Variants in ZNF346 observed in about 807,000 individuals in gnomAD.
The protein encoded by ZNF346 is double-stranded RNA-binding zinc finger protein JAZ.
A neutral mutation model predicts 33.7 loss-of-function variants in ZNF346; 23 were observed. The observed-to-expected ratio is 0.68, with a 90% CI of 0.49 to 0.97. The LOEUF is 0.97. ZNF346 is among the 50% of genes least tolerant of loss of function. The pLI is 0.00. For missense variants in ZNF346, 340 were observed against 371.1 expected (o/e 0.92, Z 0.69); for synonymous variants, 134 against 142.4 (o/e 0.94, Z 0.42).
At chr5:177,046,227 G>A (rs1022854257) in intron 4 of ZNF346, among the ~76,000 whole-genome samples, 1 of 151,706 alleles carries the variant, frequency 6.6e-6, no homozygotes, top group Non-Finnish European at 1.5e-5. Context: ...CTTGAACCCG[G>A]GAGCTGGAGG....
At chr5:177,048,715 TTTG>T (rs937307770) in intron 4 of ZNF346, among the ~76,000 whole-genome samples, 17 of 152,258 alleles carry the variant, frequency 1.1e-4, no homozygotes, top group South Asian at 4.1e-4. Flanking sequence ...CACCTATGCG[TTTG>T]TTGTTGTTCT....
In ZNF346 at chr5:177,067,235, C is replaced by T. The variant is rs1783254241; in HGVS notation, c.*2636C>T. 6.6e-6 allele frequency among the ~76,000 whole-genome samples: 1 copy of T among 152,018 alleles called. No homozygotes were observed. Among genetic ancestry groups the T allele is most frequent in the Non-Finnish European group, 1.5e-5 (1 of 68,030 alleles). ...TCCAGCCTGGACAACAGAGCAAGAC[C>T]CTGTCTCTAAAAATAATAATTTTTA... On this transcript the variant is annotated 3_prime_UTR_variant, in exon 7 of 7. Transcript: ENST00000358149.
chr5:177,035,959 GT>G (rs201601086), intron 1 of ZNF346, among the ~76,000 whole-genome samples: 43 of 145,254 alleles, frequency 3.0e-4, no homozygotes, highest in South Asian at 8.9e-4. Context: ...TTTTATCCAA[GT>G]TTTTTTTTTT....
At chr5:177,053,317 CAAAAAAAAA>C (rs754883910) in intron 5 of ZNF346, among the ~76,000 whole-genome samples, 2 of 87,370 alleles carry the variant, frequency 2.3e-5, no homozygotes, top group Admixed American at 1.5e-4. Context: ...GACTTCATCT[CAAAAAAAAA>C]AAAAAAAAAA....
downstream of ZNF346, among the ~76,000 whole-genome samples, chr5:177,071,699 AAG>A (rs1183664467): frequency 2.2e-4 from 7 of 31,192 alleles, no homozygotes; most frequent in African/African-American, 3.3e-3. Flanking sequence ...AAAAAAAAAG[AAG>A]AAGAAGAAGA....
At chr5:177,070,978 A>C (rs896381210), downstream of ZNF346, among the ~76,000 whole-genome samples, 13 of 152,118 alleles carry the variant, frequency 8.5e-5, 1 homozygote, top group Admixed American at 8.5e-4. Context: ...GTGGAAGCAT[A>C]CTCTTAGCCC....
intron 1 of ZNF346, among the ~76,000 whole-genome samples, chr5:177,038,226 C>G (rs1434742443): frequency 6.6e-6 from 1 of 150,622 alleles, no homozygotes; most frequent in Non-Finnish European, 1.5e-5. Flanking sequence ...ATAGCTAAGA[C>G]TACAGGCATG....
intron 4 of ZNF346, among the ~76,000 whole-genome samples, chr5:177,047,083 C>G (rs1780157575): frequency 6.6e-6 from 1 of 150,546 alleles, no homozygotes. Flanking sequence ...AAGTCTTGCT[C>G]TGTCACCCAG....
chr5:177,061,961 G>A (rs147754527), intron 5 of ZNF346, 97 bp from the exon 6 acceptor site: 11 of 1,063,996 alleles, frequency 1.0e-5, no homozygotes, highest in Admixed American at 1.9e-5. Flanking sequence ...CGCCTCACCT[G>A]TCCGTCCTTA....
intron 4 of ZNF346, among the ~76,000 whole-genome samples, chr5:177,046,204 G>A (rs1780015165): frequency 6.6e-6 from 1 of 151,530 alleles, no homozygotes; most frequent in Non-Finnish European, 1.5e-5. Flanking sequence ...GGGAGACTGA[G>A]GCAAGAGAAT....
chr5:177,045,808 T>G (rs1282055286), intron 4 of ZNF346, among the ~76,000 whole-genome samples: 1 of 151,990 alleles, frequency 6.6e-6, no homozygotes, highest in Non-Finnish European at 1.5e-5. Context: ...ATTACACCTT[T>G]TTATCACACC....
intron 8 of ZNF346, among the ~76,000 whole-genome samples, chr5:177,075,322 G>C (rs1027569789): frequency 5.3e-5 from 8 of 151,940 alleles, no homozygotes; most frequent in Non-Finnish European, 1.2e-4. Flanking sequence ...AAAATGGCTT[G>C]ATCCCAGGAG....
At position 177,065,145 on chromosome 5, in the gene ZNF346, C is replaced by A. The variant is rs750135350; in HGVS notation, c.*546C>A. ...GTCTTAGACCAGATATGGCCAGTTG[C>A]GCAGGTTTCTGCCAACTGTGAAGTA... On this transcript the variant is annotated 3_prime_UTR_variant, in exon 7 of 7. Coordinates refer to ENST00000358149, the MANE Select transcript of ZNF346 (RefSeq NM_012279.4). 6.5e-6 allele frequency: 1 copy of A among 153,196 alleles called. No homozygotes were observed. The highest frequency in any genetic ancestry group is 2.4e-5 in the African/African-American group (1 of 41,430). 9.5% of individuals were successfully genotyped at this position (153,196 alleles called of 1,614,324 possible).
rs1412465189 is a variant in ZNF346, at chr5:177,064,589, T to C, written c.875T>C (p.Leu292Ser). Residue 292 changes from leucine to serine, a missense_variant, in exon 7 of 7, where the codon TTG becomes TCG. By Grantham distance (145) the Leu-to-Ser change is moderately radical. Coordinates refer to ENST00000358149, the MANE Select transcript of ZNF346 (RefSeq NM_012279.4). ...CCCATTCAGAAAGACTCAACCACCT[T>C]GGAAGACTAGAGGTGATTCTGCCCA... ...RQPIQKDSTT[L>S]ED 1.2e-6 allele frequency: 2 copies of C among 1,613,778 alleles called. No individual in the cohort carries two copies. Among genetic ancestry groups the C allele is most frequent in the African/African-American group, 2.7e-5 (2 of 74,926 alleles).
At chr5:177,078,977 A>C (rs1169811868) in intron 8 of ZNF346, among the ~76,000 whole-genome samples, 1 of 151,274 alleles carries the variant, frequency 6.6e-6, no homozygotes, top group Non-Finnish European at 1.5e-5. Flanking sequence ...TAGTTTAAAG[A>C]AGTCATTTTG....
chr5:177,038,268 TGTGTGTG>T (rs762787387), intron 1 of ZNF346, among the ~76,000 whole-genome samples: 3 of 140,052 alleles, frequency 2.1e-5, no homozygotes, highest in African/African-American at 5.3e-5. Context: ...TTTTTTTTTT[TGTGTGTG>T]TGTGTTTTTT....
intron 1 of ZNF346, among the ~76,000 whole-genome samples, chr5:177,035,307 C>T (rs533243377): frequency 6.6e-6 from 1 of 152,188 alleles, no homozygotes; most frequent in Admixed American, 6.5e-5. Flanking sequence ...TGAGCCACCA[C>T]GCCCTGCCTC....
Position 177,024,487 on chromosome 5 carries a change from C to T in ZNF346, c.175+1574C>T, listed in dbSNP as rs139383108. On this transcript the variant is annotated intron_variant, in intron 1 of 6. Transcript: ENST00000358149. ...TGCTGGGATTACAGGCATGAGCCACCGCACCCGGCTCTCCTACTTTCACAC... is the reference window on the plus strand; with the variant it reads ...TGCTGGGATTACAGGCATGAGCCACTGCACCCGGCTCTCCTACTTTCACAC... Among the ~76,000 whole-genome samples, 1,387 of 152,226 alleles carry T rather than the reference C, an allele frequency of 9.1e-3. 9 individuals are homozygous for T. Among genetic ancestry groups the T allele is most frequent in the South Asian group, 0.025 (120 of 4,824 alleles).
intron 1 of ZNF346, among the ~76,000 whole-genome samples, chr5:177,024,179 C>CACACT (rs70991590): frequency 3.9e-5 from 5 of 129,168 alleles, no homozygotes; most frequent in Non-Finnish European, 8.1e-5. Flanking sequence ...CACACACACA[C>CACACT]TATTTCTGGG....
Sources: gnomAD v4.1 joint callset for allele counts (sites outside exome capture counted in the v4.1 genomes callset) on GRCh38, gnomAD v4.1.1 for gene constraint, MANE v1.5 for transcripts, NCBI Gene and HGNC (gene_info 2026-07-23, HGNC 2026-07-21) for gene names.